The following TAGAP variants were observed in gnomAD, a reference collection of about 807,000 sequenced individuals.
TAGAP encodes T-cell activation Rho GTPase-activating protein.
A neutral mutation model predicts 36.0 loss-of-function variants in TAGAP; 16 were observed. That is an observed-to-expected ratio of 0.44 (90% confidence interval 0.30 to 0.68). The LOEUF is 0.68. Ranked by LOEUF, TAGAP falls within the 30% of genes least tolerant of loss-of-function variation. The probability of loss-of-function intolerance (pLI) is 0.09; values close to 1 mark genes in which losing one functional copy is unlikely to be tolerated. For synonymous variants in TAGAP, 372 were observed against 377.4 expected, an observed-to-expected ratio of 0.99 and a Z score of 0.17; for missense variants, 794 against 921.5, an observed-to-expected ratio of 0.86 and a Z score of 1.79.
Position 159,040,810 on chromosome 6 carries a change from C to A in TAGAP, c.500G>T (p.Arg167Leu). 5 of 1,614,090 alleles carry A rather than the reference C, an allele frequency of 3.1e-6. No individual in the cohort carries two copies. Among genetic ancestry groups the A allele is most frequent in the Non-Finnish European group, 4.2e-6 (5 of 1,179,978 alleles). ...AAAGAGGTCGCTTGAAAGTAGCTTC[C>A]GGGGGATACTTCTGAGGAAGTCCTG... ...VFKDFLRSIP[R>L]KLLSSDLFEE... Residue 167 changes from arginine (R) to leucine (L), a missense_variant, in exon 7 of 10, where the codon CGG (arginine) becomes CTG (leucine). Physicochemically the swap from Arg to Leu is moderately radical, Grantham distance 102. Transcript: ENST00000367066.
rs1410719101 is a variant in TAGAP at position 159,037,427 on chromosome 6, A to T, written c.899-303T>A. On this transcript the variant is annotated intron_variant, in intron 9 of 9. Transcript: ENST00000367066. The surrounding 1 kb of genome is among the most constrained non-coding windows in gnomAD (Gnocchi z 5.1). ...TGTTTTTGAACTCCTGATCTCAGGT[A>T]ATCTGCCTGCCTTGGCCTCCCAAAG... 1.3e-5 allele frequency among the ~76,000 whole-genome samples: 2 copies of T among 152,090 alleles called. No individual in the cohort carries two copies. The highest frequency in any genetic ancestry group is 3.9e-4 in the East Asian group (2 of 5,174).
chr6:159,039,743 C>T (rs961101538), intron 7 of TAGAP, among the ~76,000 whole-genome samples: 3 of 152,146 alleles, frequency 2.0e-5, no homozygotes, highest in Admixed American at 6.5e-5. Context: ...AATTACCAAA[C>T]GAAGATGACA....
At chr6:159,042,272 A>G in intron 4 of TAGAP, 28 bp from the exon 5 acceptor site, 2 of 1,598,480 alleles carry the variant, frequency 1.3e-6, no homozygotes, top group Middle Eastern at 1.7e-4. Context: ...AGGCAACGAG[A>G]AAAATTAGAC....
chr6:159,044,397 G>A (rs749441209), intron 1 of TAGAP, among the ~76,000 whole-genome samples, 193 bp from the exon 2 acceptor site: 17 of 152,182 alleles, frequency 1.1e-4, no homozygotes, highest in Admixed American at 6.5e-5. Context: ...GTTACCAGAT[G>A]TTGTATGTTG....
intron 1 of TAGAP, 150 bp from the exon 2 acceptor site, chr6:159,044,354 T>TACATAG (rs1162361891): frequency 1.9e-6 from 1 of 539,676 alleles, no homozygotes. Flanking sequence ...AAAAAACTAT[T>TACATAG]ACATAGACAA....
At chr6:159,039,605 C>T (rs1324989415) in intron 7 of TAGAP, among the ~76,000 whole-genome samples, 1 of 152,188 alleles carries the variant, frequency 6.6e-6, no homozygotes, top group Non-Finnish European at 1.5e-5. Flanking sequence ...CATTAAACAC[C>T]ATAGTTTGCC....
chr6:159,038,124 A>G lies in TAGAP; in HGVS notation c.888T>C (p.Thr296=), dbSNP rs776988940. 1 of 1,605,414 alleles carries G rather than the reference A, an allele frequency of 6.2e-7. No homozygotes were observed. The highest frequency in any genetic ancestry group is 2.2e-5 in the East Asian group (1 of 44,836). Residue 296 remains threonine, a synonymous_variant, in exon 9 of 10, where the codon ACT becomes ACC. Transcript: ENST00000367066. ...TAGCACATTCCATACCTGAACTGTC[A>G]GTGTGCTCCAGGGAGTCATCAGAAG... The part of the protein sequence containing the change: ...SITSDDSLEH[T]DSSDVSTLQN...
intron 4 of TAGAP, chr6:159,042,583 C>A (rs1242219066): frequency 4.6e-6 from 1 of 219,430 alleles, no homozygotes; most frequent in African/African-American, 2.3e-5. Context: ...CCATCTTAAC[C>A]TACTGGCCTG....
chr6:159,044,289 G>T, intron 1 of TAGAP, 85 bp from the exon 2 acceptor site: 1 of 735,550 alleles, frequency 1.4e-6, no homozygotes, highest in Non-Finnish European at 2.1e-6. Flanking sequence ...CACAGAGTTT[G>T]AAACTATTTA....
In TAGAP at chr6:159,041,784, T is replaced by G. The variant is rs1779761820; in HGVS notation, c.316-269A>C. 5 of 533,208 alleles carry G rather than the reference T, an allele frequency of 9.4e-6. No individual in the cohort carries two copies. Among genetic ancestry groups the G allele is most frequent in the Non-Finnish European group, 1.3e-5 (4 of 306,218 alleles). 33.0% of individuals were successfully genotyped at this position (533,208 alleles called of 1,614,324 possible). On this transcript the variant is annotated intron_variant, in intron 5 of 9. Coordinates refer to ENST00000367066, the MANE Select transcript of TAGAP (RefSeq NM_054114.5). This position sits in a 1 kb window ranked among gnomAD's most constrained non-coding sequence, Gnocchi z 4.1. ...ACAAAGTCTATATTCTGTTTCCCCC[T>G]TTTGACTTTTCAGAAGCTACAAATC...
At position 159,036,012 on chromosome 6, in the gene TAGAP, T is replaced by G; in HGVS notation, c.2011A>C (p.Arg671=). 6.2e-7 allele frequency: 1 copy of G among 1,612,450 alleles called. No individual in the cohort carries two copies. The highest frequency in any genetic ancestry group is 1.1e-5 in the South Asian group (1 of 91,038). The stretch of plus-strand genomic sequence containing the variant: ...GAGTCCCCAGAAGCATGGACAGTTC[T>G]GCTCTGTTTCCATCGCTCAGGCAGG... ...SPLPERWKQS[R]TVHASGDSLG... The change falls in exon 10 of 10, where the codon AGA becomes CGA. Residue 671 remains arginine (R), a synonymous_variant. Coordinates refer to ENST00000367066, the MANE Select transcript of TAGAP (RefSeq NM_054114.5). The surrounding 1 kb of genome is among the most constrained non-coding windows in gnomAD (Gnocchi z 4.9).
chr6:159,041,322 C>T lies in TAGAP; in HGVS notation c.477+32G>A. On this transcript the variant is annotated intron_variant, in intron 6 of 9. Transcript: ENST00000367066. The surrounding 1 kb of genome is among the most constrained non-coding windows in gnomAD (Gnocchi z 4.1). ...GAATGAGTGTGTCAGGGCCCCTTGGCAGGTTATTTGGCGCAAGTGTGTTGA... is the reference window on the plus strand; with the variant it reads ...GAATGAGTGTGTCAGGGCCCCTTGGTAGGTTATTTGGCGCAAGTGTGTTGA... 2.5e-6 allele frequency: 4 copies of T among 1,607,530 alleles called. No homozygotes were observed. Among genetic ancestry groups the T allele is most frequent in the Non-Finnish European group, 3.4e-6 (4 of 1,176,902 alleles).
intron 4 of TAGAP, chr6:159,042,932 T>C (rs9295089): frequency 0.19 from 28,846 of 152,602 alleles, 4,422 homozygotes; most frequent in African/African-American, 0.43. Flanking sequence ...TCTGTCCTTC[T>C]GAAATCCACA....
chr6:159,036,413 T>A lies in TAGAP; in HGVS notation c.1610A>T (p.Asp537Val). Residue 537 changes from aspartate (D) to valine (V), a missense_variant, in exon 10 of 10, where the codon GAC (aspartate) becomes GTC (valine). Asp to Val is a radical substitution (Grantham distance 152). Transcript: ENST00000367066. The surrounding 1 kb of genome is among the most constrained non-coding windows in gnomAD (Gnocchi z 4.9). ...GSGKSQDFTR[D>V]HVPRGVRKES... The stretch of plus-strand genomic sequence containing the variant: ...CTTTCTGACACCCCTCGGGACGTGG[T>A]CCCTGGTAAAGTCTTGCGATTTCCC... The A allele has an allele frequency of 6.2e-7, 1 of 1,614,140 alleles. No homozygotes were observed.
intron 7 of TAGAP, among the ~76,000 whole-genome samples, 199 bp downstream of exon 7, chr6:159,040,524 A>T (rs559867250): frequency 6.6e-6 from 1 of 152,324 alleles, no homozygotes; most frequent in Non-Finnish European, 1.5e-5. Context: ...GAAATATTTC[A>T]TTTGGCTAAA....
rs771335944 is a variant in TAGAP at position 159,041,331 on chromosome 6, T to G, written c.477+23A>C. On this transcript the variant is annotated intron_variant, in intron 6 of 9. Coordinates refer to ENST00000367066, the MANE Select transcript of TAGAP (RefSeq NM_054114.5). This position sits in a 1 kb window ranked among gnomAD's most constrained non-coding sequence, Gnocchi z 4.1. ...TGTCAGGGCCCCTTGGCAGGTTATT[T>G]GGCGCAAGTGTGTTGAACTCACCTT... 3 of 1,609,254 alleles carry G rather than the reference T, an allele frequency of 1.9e-6. No individual in the cohort carries two copies. The highest frequency in any genetic ancestry group is 2.5e-6 in the Non-Finnish European group (3 of 1,177,888).
Position 159,037,988 on chromosome 6 carries a change from G to T in TAGAP, c.898+126C>A. ...TTTAATGACTTCCTAATGGACTGGA[G>T]TCTAGTCTGACTCGGTGATTTGTGA... On this transcript the variant is annotated intron_variant, in intron 9 of 9. Transcript: ENST00000367066. The surrounding 1 kb of genome is among the most constrained non-coding windows in gnomAD (Gnocchi z 5.1). 1.5e-6 allele frequency: 1 copy of T among 649,290 alleles called. No individual in the cohort carries two copies. The highest frequency in any genetic ancestry group is 2.7e-6 in the Non-Finnish European group (1 of 364,074). The allele number at this position is 649,290 out of a possible 1,614,324, so 40.2% of individuals were successfully genotyped here.
rs182059529 is a variant in TAGAP at position 159,036,791 on chromosome 6, G to C, written c.1232C>G (p.Ser411Cys). The change falls in exon 10 of 10, where the codon TCT becomes TGT. Residue 411 changes from serine to cysteine, a missense_variant. Physicochemically the swap from Ser to Cys is moderately radical, Grantham distance 112. Transcript: ENST00000367066. This position sits in a 1 kb window ranked among gnomAD's most constrained non-coding sequence, Gnocchi z 4.9. ...EGDFPVPRVG[S>C]RLESEEAEDP... is the part of the protein sequence containing the mutation. Reference sequence around the variant, plus strand: ...TTCAGCCTCCTCACTTTCCAAACGAGAGCCTACCCGGGGCACGGGGAAGTC... The same window carrying C: ...TTCAGCCTCCTCACTTTCCAAACGACAGCCTACCCGGGGCACGGGGAAGTC... 6.2e-7 allele frequency: 1 copy of C among 1,614,222 alleles called. No homozygotes were observed. Among genetic ancestry groups the C allele is most frequent in the Admixed American group, 1.7e-5 (1 of 60,032 alleles).
intron 8 of TAGAP, 35 bp from the exon 9 acceptor site, chr6:159,038,263 G>C: frequency 1.6e-5 from 10 of 637,628 alleles, no homozygotes; most frequent in Non-Finnish European, 1.8e-5. Flanking sequence ...TCAGCTTGAA[G>C]ACTTTTTTTT....
Sources: gnomAD v4.1 joint callset for allele counts (sites outside exome capture counted in the v4.1 genomes callset) on GRCh38, gnomAD v4.1.1 for gene constraint, Gnocchi (gnomAD v3.1) non-coding constraint, MANE v1.5 for transcripts, NCBI Gene and HGNC (gene_info 2026-07-23, HGNC 2026-07-21) for gene names.